The following SCHIP1 variants were observed in gnomAD, a reference collection of about 807,000 sequenced individuals.
SCHIP1 encodes schwannomin interacting protein 1.
In SCHIP1, 8 loss-of-function variants were observed where a neutral mutation model predicts 29.7. That is an observed-to-expected ratio of 0.27 (90% confidence interval 0.16 to 0.49). The LOEUF (loss-of-function observed/expected upper bound fraction) is 0.49. Among genes scored for constraint, SCHIP1 ranks in the 20% least tolerant of loss-of-function variants. The probability of loss-of-function intolerance (pLI) is 0.99; values close to 1 mark genes in which losing one functional copy is unlikely to be tolerated. For missense variants in SCHIP1, 193 were observed against 294.6 expected (o/e 0.66, Z 2.52); for synonymous variants, 76 against 94.9 (o/e 0.80, Z 1.16).
chr3:159,659,687 T>G, the SCHIP1 span, among the ~76,000 whole-genome samples: 1,256 of 152,240 alleles, frequency 8.3e-3, 22 homozygotes, highest in African/African-American at 0.029. Context: ...AAATATAATA[T>G]CCTTGTTAAT....
At chr3:159,334,293 G>A in the SCHIP1 span, among the ~76,000 whole-genome samples, 7 of 152,212 alleles carry the variant, frequency 4.6e-5, no homozygotes, top group East Asian at 1.9e-4. Context: ...AGGGAGAGGC[G>A]ATGAAGATAA....
the SCHIP1 span, among the ~76,000 whole-genome samples, chr3:159,472,230 GT>G: frequency 6.6e-6 from 1 of 152,152 alleles, no homozygotes; most frequent in Non-Finnish European, 1.5e-5. Flanking sequence ...ATTCAACTGT[GT>G]TTTTAAAGAG....
chr3:159,537,570 C>T, the SCHIP1 span, among the ~76,000 whole-genome samples: 3 of 152,066 alleles, frequency 2.0e-5, no homozygotes, highest in African/African-American at 7.2e-5. Flanking sequence ...CATCACCTTG[C>T]TATGCTGTAC....
At chr3:159,275,066 A>T in the SCHIP1 span, 1 of 974,614 alleles carries the variant, frequency 1.0e-6, no homozygotes. Flanking sequence ...TTGACAGTGT[A>T]TGAAGTGCAT....
At chr3:159,397,499 C>G in the SCHIP1 span, among the ~76,000 whole-genome samples, 22 of 152,142 alleles carry the variant, frequency 1.4e-4, no homozygotes, top group Middle Eastern at 3.4e-3. Flanking sequence ...ATGGGTTTTT[C>G]GTGTGGATGT....
the SCHIP1 span, among the ~76,000 whole-genome samples, chr3:159,366,794 G>A: frequency 4.6e-5 from 7 of 152,162 alleles, no homozygotes; most frequent in Non-Finnish European, 1.0e-4. Context: ...TAGATTGCAT[G>A]GGACAGCAAC....
the SCHIP1 span, among the ~76,000 whole-genome samples, chr3:159,704,882 TTC>T: frequency 5.1e-5 from 4 of 79,020 alleles, no homozygotes; most frequent in South Asian, 1.2e-3. Flanking sequence ...CTTTCTTTCT[TTC>T]TTTCTTTCTT....
rs1328047625 is a variant in SCHIP1, at chr3:159,894,998, A to G, written c.684-1725A>G. ...GGAGTGTGTGTGCATGAGCATGTAC[A>G]TAGTAGTATATTTTAAAAATTACTG... On this transcript the variant is annotated intron_variant, in intron 6 of 6. Transcript: ENST00000445224. Among the ~76,000 whole-genome samples, 5 of 152,198 alleles carry G rather than the reference A, an allele frequency of 3.3e-5. No individual in the cohort carries two copies. In the East Asian group the frequency reaches 9.6e-4, roughly 29 times the overall value.
At chr3:159,346,014 G>A in the SCHIP1 span, among the ~76,000 whole-genome samples, 3 of 151,644 alleles carry the variant, frequency 2.0e-5, no homozygotes, top group African/African-American at 4.8e-5. Context: ...GCCAACAGAA[G>A]GAAACCCTGT....
chr3:159,896,823 T>C (rs373397510), exon 7 of SCHIP1: 91 of 1,569,830 alleles, frequency 5.8e-5, no homozygotes, highest in Admixed American at 3.9e-4. Flanking sequence ...TTTGCTTCTG[T>C]GGTTGTAAAA....
chr3:159,896,877 T>C lies in SCHIP1; in HGVS notation c.*103T>C, dbSNP rs1245642445. 4.1e-6 allele frequency: 5 copies of C among 1,219,798 alleles called. No individual in the cohort carries two copies. In the East Asian group the frequency reaches 1.3e-4, roughly 33 times the overall value. 75.6% of individuals were successfully genotyped at this position (1,219,798 alleles called of 1,614,324 possible). A position where few individuals can be genotyped will look rare whatever the true frequency, so the allele number is the denominator to read the frequency against. On this transcript the variant is annotated 3_prime_UTR_variant, in exon 7 of 7. Transcript: ENST00000445224. ...GCGCAGAAACAAATATCAGTGTTAG[T>C]CATTGATAATGTCTGAAGCTTAATG...
the SCHIP1 span, among the ~76,000 whole-genome samples, chr3:159,569,295 C>A: frequency 6.6e-6 from 1 of 152,088 alleles, no homozygotes; most frequent in Admixed American, 6.6e-5. Flanking sequence ...TTAAGTATGT[C>A]TCCTAATGCT....
At chr3:159,523,971 T>C in the SCHIP1 span, among the ~76,000 whole-genome samples, 1 of 152,214 alleles carries the variant, frequency 6.6e-6, no homozygotes, top group African/African-American at 2.4e-5. Context: ...ATTCTAGGCC[T>C]TGGTGATTAT....
chr3:159,609,797 AT>A, the SCHIP1 span, among the ~76,000 whole-genome samples: 183 of 149,122 alleles, frequency 1.2e-3, no homozygotes, highest in African/African-American at 3.5e-3. Flanking sequence ...TATTTTAGGT[AT>A]TTTTTTTTTA....
At chr3:159,690,021 C>T in the SCHIP1 span, among the ~76,000 whole-genome samples, 14 of 152,200 alleles carry the variant, frequency 9.2e-5, no homozygotes, top group South Asian at 2.1e-4. Flanking sequence ...TGAGGATTTT[C>T]GCATAGATGT....
At chr3:159,502,145 G>T in the SCHIP1 span, among the ~76,000 whole-genome samples, 6 of 152,206 alleles carry the variant, frequency 3.9e-5, no homozygotes, top group African/African-American at 1.4e-4. Flanking sequence ...AAAGGGAAAA[G>T]AAATCTTCTA....
chr3:159,410,534 A>G, the SCHIP1 span, among the ~76,000 whole-genome samples: 4 of 152,192 alleles, frequency 2.6e-5, no homozygotes, highest in African/African-American at 7.2e-5. Flanking sequence ...AAAGTGCTCA[A>G]CATCACTGAT....
the SCHIP1 span, among the ~76,000 whole-genome samples, chr3:159,448,420 G>A: frequency 1.3e-5 from 2 of 152,088 alleles, no homozygotes; most frequent in Non-Finnish European, 2.9e-5. Context: ...GCAATCAGCT[G>A]AGATTACACC....
At chr3:159,358,636 T>C in the SCHIP1 span, among the ~76,000 whole-genome samples, 4 of 152,174 alleles carry the variant, frequency 2.6e-5, no homozygotes, top group Non-Finnish European at 5.9e-5. Flanking sequence ...TGGTTGACTA[T>C]TAAGCTTCTC....
Sources: allele counts gnomAD v4.1 joint callset (sites outside exome capture counted in the v4.1 genomes callset), GRCh38; gene constraint gnomAD v4.1.1; transcripts MANE v1.5; gene names NCBI Gene and HGNC (gene_info 2026-07-23, HGNC 2026-07-21).